Variants in KHDRBS2 observed in about 807,000 individuals in gnomAD.
The protein encoded by KHDRBS2 is KH RNA binding domain containing, signal transduction associated 2.
KHDRBS2 carries 26 observed loss-of-function variants against 44.3 expected under a neutral mutation model. That is an observed-to-expected ratio of 0.59 (90% confidence interval 0.43 to 0.81). KHDRBS2 has a LOEUF of 0.81. KHDRBS2 is among the 40% of genes least tolerant of loss of function. The pLI is 0.00. For synonymous variants in KHDRBS2, 194 were observed against 151.1 expected, an observed-to-expected ratio of 1.28 and a Z score of -2.08; for missense variants, 476 against 433.1, an observed-to-expected ratio of 1.10 and a Z score of -0.88.
At chr6:62,044,566 A>G (rs979531782) in intron 3 of KHDRBS2, among the ~76,000 whole-genome samples, 2 of 152,074 alleles carry the variant, frequency 1.3e-5, no homozygotes, top group Non-Finnish European at 2.9e-5. Flanking sequence ...CATACCCAAC[A>G]TAGAAAAGCA....
At chr6:62,024,195 A>C (rs1188253415) in intron 3 of KHDRBS2, among the ~76,000 whole-genome samples, 1 of 151,458 alleles carries the variant, frequency 6.6e-6, no homozygotes, top group Non-Finnish European at 1.5e-5. Context: ...TGTATACCTA[A>C]CTGAATATTA....
At chr6:61,942,017 G>A (rs527770269) in intron 4 of KHDRBS2, among the ~76,000 whole-genome samples, 1 of 152,094 alleles carries the variant, frequency 6.6e-6, no homozygotes, top group South Asian at 2.1e-4. Flanking sequence ...CTGGAGTGCA[G>A]TTGGTATGTA....
intron 2 of KHDRBS2, among the ~76,000 whole-genome samples, chr6:62,082,313 G>GTGTGTA (rs1254478403): frequency 6.9e-6 from 1 of 145,190 alleles, no homozygotes; most frequent in Non-Finnish European, 1.5e-5. Context: ...ACACACTGGT[G>GTGTGTA]TGTGTGTGTG....
At chr6:61,574,414 G>A in the KHDRBS2 span, 68 of 1,518,040 alleles carry the variant, frequency 4.5e-5, 1 homozygote, top group Middle Eastern at 2.4e-4. Context: ...ACAACAAGAC[G>A]AGAAGACCAT....
intron 6 of KHDRBS2, among the ~76,000 whole-genome samples, chr6:61,809,277 C>A (rs1213569691): frequency 1.3e-5 from 2 of 152,096 alleles, no homozygotes; most frequent in Non-Finnish European, 2.9e-5. Context: ...TTCTGTTGTT[C>A]TGCTTCTCAT....
At chr6:61,562,455 C>A in the KHDRBS2 span, among the ~76,000 whole-genome samples, 1 of 152,108 alleles carries the variant, frequency 6.6e-6, no homozygotes, top group Non-Finnish European at 1.5e-5. Context: ...AGGGTGAATT[C>A]TCCCTGTTGA....
chr6:62,195,849 T>C (rs940876180), intron 1 of KHDRBS2, among the ~76,000 whole-genome samples: 1 of 152,142 alleles, frequency 6.6e-6, no homozygotes, highest in Non-Finnish European at 1.5e-5. Flanking sequence ...CACTGAGCCC[T>C]GTTTCACATG....
At chr6:61,773,076 T>C (rs1225469980) in intron 6 of KHDRBS2, among the ~76,000 whole-genome samples, 1 of 152,218 alleles carries the variant, frequency 6.6e-6, no homozygotes, top group East Asian at 1.9e-4. Flanking sequence ...GTCTTTGCTA[T>C]TGTGAATAGT....
chr6:61,984,464 G>GA (rs1047236997), intron 3 of KHDRBS2, among the ~76,000 whole-genome samples: 9 of 151,638 alleles, frequency 5.9e-5, no homozygotes, highest in East Asian at 1.9e-4. Context: ...TAAAGAAGCA[G>GA]AAAAAAAATA....
chr6:61,547,560 G>T, the KHDRBS2 span, among the ~76,000 whole-genome samples: 1 of 152,058 alleles, frequency 6.6e-6, no homozygotes, highest in African/African-American at 2.4e-5. Context: ...TTACTGTGTG[G>T]CTGACCAAGT....
At chr6:62,206,759 T>C (rs1256918491) in intron 1 of KHDRBS2, among the ~76,000 whole-genome samples, 3 of 152,068 alleles carry the variant, frequency 2.0e-5, no homozygotes, top group Admixed American at 6.6e-5. Flanking sequence ...GTCACGTATA[T>C]GTGTGGCAAT....
chr6:61,766,149 C>T (rs1026800670), intron 6 of KHDRBS2, among the ~76,000 whole-genome samples: 3 of 151,638 alleles, frequency 2.0e-5, no homozygotes, highest in Non-Finnish European at 4.4e-5. Flanking sequence ...TAGCTTCAAT[C>T]TCATTACTGG....
chr6:62,181,281 T>C (rs1389344863), intron 1 of KHDRBS2, among the ~76,000 whole-genome samples: 1 of 151,912 alleles, frequency 6.6e-6, no homozygotes, highest in African/African-American at 2.4e-5. Flanking sequence ...AATGAAATAT[T>C]TGAAAACCAT....
At chr6:61,768,752 C>T (rs1780377808) in intron 6 of KHDRBS2, among the ~76,000 whole-genome samples, 1 of 152,038 alleles carries the variant, frequency 6.6e-6, no homozygotes, top group Non-Finnish European at 1.5e-5. Flanking sequence ...GACAGTCTTT[C>T]CTACCCTTTT....
chr6:62,174,512 T>C (rs1820707561), intron 2 of KHDRBS2, among the ~76,000 whole-genome samples: 1 of 151,734 alleles, frequency 6.6e-6, no homozygotes, highest in African/African-American at 2.4e-5. Flanking sequence ...TTAAAGAGCA[T>C]TTTTATAATT....
At chr6:61,944,788 G>A (rs561540580) in intron 4 of KHDRBS2, among the ~76,000 whole-genome samples, 156 of 151,734 alleles carry the variant, frequency 1.0e-3, no homozygotes, top group African/African-American at 3.6e-3. Context: ...AAAATATTAC[G>A]TATCAGTAAA....
intron 7 of KHDRBS2, among the ~76,000 whole-genome samples, chr6:61,715,127 A>G (rs887226096): frequency 1.3e-5 from 2 of 151,924 alleles, no homozygotes; most frequent in African/African-American, 4.8e-5. Context: ...GCAAGTGCAA[A>G]ATAACAAGAC....
At chr6:61,853,264 A>C (rs889267690) in intron 6 of KHDRBS2, among the ~76,000 whole-genome samples, 14 of 152,114 alleles carry the variant, frequency 9.2e-5, no homozygotes, top group Non-Finnish European at 2.1e-4. Flanking sequence ...AAATCTACTC[A>C]CTGAGCTGGT....
At chr6:61,698,065 C>G (rs886716002) in intron 7 of KHDRBS2, among the ~76,000 whole-genome samples, 1 of 152,148 alleles carries the variant, frequency 6.6e-6, no homozygotes, top group Admixed American at 6.6e-5. Context: ...ATCAGGCTGT[C>G]GTTCCACTGC....
Sources: allele counts gnomAD v4.1 joint callset (sites outside exome capture counted in the v4.1 genomes callset), GRCh38; gene constraint gnomAD v4.1.1; transcripts MANE v1.5; gene names NCBI Gene and HGNC (gene_info 2026-07-23, HGNC 2026-07-21).